The following LMTK3 variants were observed in gnomAD, a reference collection of about 807,000 sequenced individuals.
LMTK3 encodes lemur tail kinase 3, also known as serine/threonine-protein kinase LMTK3.
LMTK3 carries 27 observed loss-of-function variants against 116.7 expected under a neutral mutation model. The ratio of observed to expected loss-of-function variants is 0.23; its 90% CI spans 0.17 to 0.32. LMTK3 has a LOEUF of 0.32. Ranked by LOEUF, LMTK3 falls within the 10% of genes least tolerant of loss-of-function variation. The pLI, the probability that LMTK3 is intolerant of heterozygous loss-of-function variation, is 1.00. For synonymous variants in LMTK3, 965 were observed against 971.0 expected (o/e 0.99, Z 0.11); for missense variants, 1,764 against 2,068.5 (o/e 0.85, Z 2.86).
intron 6 of LMTK3, 86 bp from the exon 7 acceptor site, chr19:48,502,667 C>T (rs1163196627): frequency 7.1e-7 from 1 of 1,417,476 alleles, no homozygotes; most frequent in Non-Finnish European, 9.4e-7. Context: ...CTTCTGCTGT[C>T]ACTGGGTAGC....
chr19:48,513,481 C>T (rs1972693607), upstream of LMTK3: 1 of 363,752 alleles, frequency 2.7e-6, no homozygotes, highest in African/African-American at 2.1e-5. This position sits in a 1 kb window ranked among gnomAD's most constrained non-coding sequence, Gnocchi z 5.6. Flanking sequence ...ACATACATCA[C>T]GTGCCAGGCC....
chr19:48,511,174 C>T (rs73942300), intron 1 of LMTK3, among the ~76,000 whole-genome samples: 10,233 of 152,266 alleles, frequency 0.067, 1,157 homozygotes, highest in African/African-American at 0.23. Context: ...GTTGTGTCCC[C>T]CTTAGAAATA....
intron 5 of LMTK3, among the ~76,000 whole-genome samples, chr19:48,507,878 G>A (rs1972596351): frequency 1.3e-5 from 2 of 152,198 alleles, no homozygotes; most frequent in Admixed American, 1.3e-4. Flanking sequence ...ACAACCTGGG[G>A]TATGGGTTAT....
Position 48,511,602 on chromosome 19 carries a change from AGGTGGT to A in LMTK3, c.-32_-27del. 6.7e-6 allele frequency: 2 copies of A among 299,238 alleles called. No individual in the cohort carries two copies. Among genetic ancestry groups the A allele is most frequent in the South Asian group, 9.7e-5 (1 of 10,334 alleles). The allele number at this position is 299,238 out of a possible 1,614,324, so 18.5% of individuals were successfully genotyped here. On this transcript the variant is annotated 5_prime_UTR_variant, in exon 1 of 15. Transcript: ENST00000600059. ...CTTGTCGAGGATGGCAGGGAGGTGG[AGGTGGT>A]GGCGGCTGGGGAGGAGGGGGGGGCG... is the stretch of plus-strand genomic sequence containing the variant.
At chr19:48,513,139 C>A, upstream of LMTK3, 1 of 1,599,446 alleles carries the variant, frequency 6.3e-7, no homozygotes, top group Non-Finnish European at 8.5e-7. This position sits in a 1 kb window ranked among gnomAD's most constrained non-coding sequence, Gnocchi z 5.6. Context: ...CAAATACCCA[C>A]GTTTCCCGTG....
chr19:48,511,412 G>T, intron 1 of LMTK3, 89 bp downstream of exon 1: 1 of 510,800 alleles, frequency 2.0e-6, no homozygotes, highest in Non-Finnish European at 3.1e-6. Context: ...AGGTGACGGG[G>T]CAGGACCCGC....
chr19:48,505,480 T>C (rs1338852141), intron 5 of LMTK3, among the ~76,000 whole-genome samples: 2 of 152,118 alleles, frequency 1.3e-5, no homozygotes, highest in African/African-American at 2.4e-5. Flanking sequence ...ATCTCAGCAC[T>C]CTGGGAGGCC....
At chr19:48,511,855 G>GGT (rs1972670202), upstream of LMTK3, 1 of 241,626 alleles carries the variant, frequency 4.1e-6, no homozygotes, top group African/African-American at 3.0e-5. Flanking sequence ...AGGGTAGGAT[G>GGT]GGGGGGGCGA....
chr19:48,510,437 T>A (rs1451038845), intron 2 of LMTK3, 22 bp downstream of exon 2: 2 of 1,585,970 alleles, frequency 1.3e-6, no homozygotes, highest in African/African-American at 2.7e-5. Flanking sequence ...CTCCCCAAGT[T>A]GAATCCCCTC....
intron 5 of LMTK3, 26 bp from the exon 6 acceptor site, chr19:48,503,022 T>G (rs749120567): frequency 6.7e-7 from 1 of 1,488,536 alleles, no homozygotes; most frequent in Non-Finnish European, 9.3e-7. Flanking sequence ...GTGGCTGAGT[T>G]GGGAAGGCAG....
chr19:48,509,612 A>G lies in LMTK3; in HGVS notation c.362-99T>C, dbSNP rs144442687. On this transcript the variant is annotated intron_variant, in intron 3 of 14. Coordinates refer to ENST00000600059, the MANE Select transcript of LMTK3 (RefSeq NM_001388485.1). ...TGGGGACTGAGACAGAGCAGACATC[A>G]CTCTCTTTTCATTGGCTGCCACCCA... 1.4e-3 allele frequency: 1,372 copies of G among 1,009,864 alleles called. 12 individuals are homozygous for G. In the African/African-American group the frequency reaches 0.02, roughly 15 times the overall value. 62.6% of individuals were successfully genotyped at this position (1,009,864 alleles called of 1,614,324 possible).
At chr19:48,504,559 C>CT (rs200619457) in intron 5 of LMTK3, among the ~76,000 whole-genome samples, 6,537 of 152,044 alleles carry the variant, frequency 0.043, 183 homozygotes, top group Middle Eastern at 0.21. Flanking sequence ...ACCCTGCATT[C>CT]TTTTTTTTAA....
Position 48,491,279 on chromosome 19 carries a change from A to G in LMTK3, c.4229-34T>C. ...GAAGGAAAGACCGCGGTCAGGCTGC[A>G]GACACCTGCGGCACTCCCGCCCTCT... is the stretch of plus-strand genomic sequence containing the variant. On this transcript the variant is annotated intron_variant, in intron 13 of 14. Coordinates refer to ENST00000600059, the MANE Select transcript of LMTK3 (RefSeq NM_001388485.1). The surrounding 1 kb of genome is among the most constrained non-coding windows in gnomAD (Gnocchi z 5.1). 1 of 1,377,608 alleles carries G rather than the reference A, an allele frequency of 7.3e-7. No individual in the cohort carries two copies. Among genetic ancestry groups the G allele is most frequent in the Non-Finnish European group, 9.4e-7 (1 of 1,063,370 alleles). The allele number at this position is 1,377,608 out of a possible 1,614,324, so 85.3% of individuals were successfully genotyped here. A position where few individuals can be genotyped will look rare whatever the true frequency, so the allele number is the denominator to read the frequency against.
At chr19:48,493,493 C>T (rs1972263557) in intron 12 of LMTK3, among the ~76,000 whole-genome samples, 1 of 144,904 alleles carries the variant, frequency 6.9e-6, no homozygotes, top group African/African-American at 2.7e-5. Flanking sequence ...CTTCAGGCCA[C>T]GCCCCACTCT....
upstream of LMTK3, chr19:48,513,342 T>C (rs1343715865): frequency 4.5e-6 from 3 of 666,662 alleles, no homozygotes; most frequent in Non-Finnish European, 8.1e-6. The surrounding 1 kb of genome is among the most constrained non-coding windows in gnomAD (Gnocchi z 5.6). Flanking sequence ...ATCATGCCCA[T>C]TGTACAGATG....
chr19:48,512,870 C>T (rs1972683675), upstream of LMTK3, among the ~76,000 whole-genome samples: 1 of 152,126 alleles, frequency 6.6e-6, no homozygotes, highest in Non-Finnish European at 1.5e-5. Context: ...TGCACATATA[C>T]ACAGTCACAC....
At position 48,498,787 on chromosome 19, in the gene LMTK3, C is replaced by T. The variant is rs1333367849; in HGVS notation, c.2282G>A (p.Arg761Gln). 13 of 648,382 alleles carry T rather than the reference C, an allele frequency of 2.0e-5. No homozygotes were observed. The Admixed American group carries it at 2.5e-4, about 12-fold the overall frequency. 40.2% of individuals were successfully genotyped at this position (648,382 alleles called of 1,614,324 possible). Reference protein sequence around the residue: ...PAPPPPPPPPRAPADPAASPD... With the variant: ...PAPPPPPPPPQAPADPAASPD... ...GGACGCGGCCGGGTCCGCGGGGGCCCGAGGAGGTGGCGGCGGGGGGGGGGG... is the reference window on the plus strand; with the variant it reads ...GGACGCGGCCGGGTCCGCGGGGGCCTGAGGAGGTGGCGGCGGGGGGGGGGG... The change falls in exon 11 of 15, where the codon CGG (arginine) becomes CAG (glutamine). Residue 761 changes from arginine to glutamine, a missense_variant. Physicochemically the swap from Arg to Gln is conservative, Grantham distance 43. Coordinates refer to ENST00000600059, the MANE Select transcript of LMTK3 (RefSeq NM_001388485.1).
rs368871822 is a variant in LMTK3 at position 48,491,483 on chromosome 19, C to T, written c.4149G>A (p.Pro1383=). The part of the protein sequence containing the change: ...VQAPPEGDTD[P]STPPAPPTPP... ...GTGTCGGGGGCGCTGGAGGCGTTGACGGGTCCGTGTCCCCCTCGGGGGGGG... is the reference window on the plus strand; with the variant it reads ...GTGTCGGGGGCGCTGGAGGCGTTGATGGGTCCGTGTCCCCCTCGGGGGGGG... Residue 1383 remains proline (P), a synonymous_variant, in exon 13 of 15, where the codon CCG becomes CCA. Transcript: ENST00000600059. The surrounding 1 kb of genome is among the most constrained non-coding windows in gnomAD (Gnocchi z 5.1). The T allele has an allele frequency of 2.1e-6, 3 of 1,416,988 alleles. No individual in the cohort carries two copies. The highest frequency in any genetic ancestry group is 1.6e-5 in the South Asian group (1 of 62,788). The allele number at this position is 1,416,988 out of a possible 1,614,324, so 87.8% of individuals were successfully genotyped here.
Position 48,491,535 on chromosome 19 carries a change from G to A in LMTK3, c.4097C>T (p.Thr1366Met), listed in dbSNP as rs2147531486. 1 of 1,394,688 alleles carries A rather than the reference G, an allele frequency of 7.2e-7. No individual in the cohort carries two copies. The highest frequency in any genetic ancestry group is 9.4e-7 in the Non-Finnish European group (1 of 1,068,624). The allele number at this position is 1,394,688 out of a possible 1,614,324, so 86.4% of individuals were successfully genotyped here. A position where few individuals can be genotyped will look rare whatever the true frequency, so the allele number is the denominator to read the frequency against. The change falls in exon 13 of 15, where the codon ACG (threonine) becomes ATG (methionine). Residue 1366 changes from threonine to methionine, a missense_variant. Physicochemically the swap from Thr to Met is moderately conservative, Grantham distance 81. Coordinates refer to ENST00000600059, the MANE Select transcript of LMTK3 (RefSeq NM_001388485.1). This position sits in a 1 kb window ranked among gnomAD's most constrained non-coding sequence, Gnocchi z 5.1. ...CTGGACGCTCAGCTCGTTGGTTGGC[G>A]TCTCCTGTGAAGGCAGATTAGGGGG... ...DVTVYLFDQETPTNELSVQAP... is the reference protein window; with the variant it reads ...DVTVYLFDQEMPTNELSVQAP...
Sources: gnomAD v4.1 joint callset for allele counts (sites outside exome capture counted in the v4.1 genomes callset) on GRCh38, gnomAD v4.1.1 for gene constraint, Gnocchi (gnomAD v3.1) non-coding constraint, MANE v1.5 for transcripts, NCBI Gene and HGNC (gene_info 2026-07-23, HGNC 2026-07-21) for gene names.